C3orf70: variants seen among roughly 807,000 people sequenced by gnomAD.
C3orf70 encodes chromosome 3 open reading frame 70.
Under a neutral mutation model 20.7 loss-of-function variants are expected in C3orf70, and 15 were observed. That is an observed-to-expected ratio of 0.72 (90% CI 0.48 to 1.11). The LOEUF is 1.11. C3orf70 is among the 50% of genes most tolerant of loss of function. C3orf70 has a pLI of 0.00. For synonymous variants in C3orf70, 161 were observed against 125.7 expected, an observed-to-expected ratio of 1.28 and a Z score of -1.88; for missense variants, 332 against 317.6, an observed-to-expected ratio of 1.05 and a Z score of -0.34.
At chr3:185,090,523 TATA>T (rs1715544041) in intron 1 of C3orf70, among the ~76,000 whole-genome samples, 1 of 152,160 alleles carries the variant, frequency 6.6e-6, no homozygotes, top group African/African-American at 2.4e-5. Context: ...GCAAGCAAAA[TATA>T]ATTAGAAAGG....
chr3:185,151,754 T>C (rs1716993574), intron 1 of C3orf70, among the ~76,000 whole-genome samples: 2 of 152,212 alleles, frequency 1.3e-5, no homozygotes, highest in Non-Finnish European at 2.9e-5. Context: ...CTATTACAAA[T>C]ATATGTGGAA....
Position 185,082,973 on chromosome 3 carries a change from G to T in C3orf70, c.*34C>A, listed in dbSNP as rs375797500. The T allele has an allele frequency of 7.6e-6, 12 of 1,582,310 alleles. No individual in the cohort carries two copies. The African/African-American group carries it at 9.5e-5, about 12-fold the overall frequency. ...CCAGACAAAGGTACAAAAGCTCGGC[G>T]TGGGTCCGAGGCTGTGGCTTCCTGT... On this transcript the variant is annotated 3_prime_UTR_variant, in exon 2 of 2. Coordinates refer to ENST00000335012, the MANE Select transcript of C3orf70 (RefSeq NM_001025266.3).
intron 1 of C3orf70, among the ~76,000 whole-genome samples, chr3:185,138,864 C>T (rs1716683051): frequency 6.6e-6 from 1 of 152,166 alleles, no homozygotes; most frequent in Non-Finnish European, 1.5e-5. Flanking sequence ...CTCTGAGAGG[C>T]CAAGGTGGGA....
At chr3:185,108,304 TTCAGA>T (rs757933272) in intron 1 of C3orf70, among the ~76,000 whole-genome samples, 5 of 152,250 alleles carry the variant, frequency 3.3e-5, no homozygotes, top group Admixed American at 6.5e-5. Flanking sequence ...TGTCCTATAC[TTCAGA>T]TCAAAAAGCA....
intron 1 of C3orf70, among the ~76,000 whole-genome samples, chr3:185,142,152 C>G (rs1327872621): frequency 6.6e-6 from 1 of 152,074 alleles, no homozygotes; most frequent in Non-Finnish European, 1.5e-5. Context: ...TTGATTATAA[C>G]ACACTGAAAA....
At chr3:185,146,693 C>T (rs1325733730) in intron 1 of C3orf70, among the ~76,000 whole-genome samples, 1 of 152,146 alleles carries the variant, frequency 6.6e-6, no homozygotes, top group Admixed American at 6.5e-5. Flanking sequence ...TTCTTAAACA[C>T]GTTTTTTGTA....
intron 1 of C3orf70, among the ~76,000 whole-genome samples, chr3:185,117,091 C>T (rs1014143016): frequency 6.6e-6 from 1 of 152,140 alleles, no homozygotes; most frequent in Non-Finnish European, 1.5e-5. Context: ...TGACCCTCTA[C>T]ATTTTCAAGT....
At chr3:185,084,088 G>C (rs1715410685) in intron 1 of C3orf70, among the ~76,000 whole-genome samples, 1 of 152,034 alleles carries the variant, frequency 6.6e-6, no homozygotes, top group Admixed American at 6.5e-5. Context: ...GGGAGGCTGA[G>C]GCACGAGAAT....
intron 1 of C3orf70, among the ~76,000 whole-genome samples, chr3:185,107,250 T>C: frequency 6.6e-6 from 1 of 152,208 alleles, no homozygotes; most frequent in Non-Finnish European, 1.5e-5. Flanking sequence ...TAGTTATATC[T>C]TGCATTGTGA....
At chr3:185,118,667 TA>T (rs1016060171) in intron 1 of C3orf70, among the ~76,000 whole-genome samples, 4 of 152,074 alleles carry the variant, frequency 2.6e-5, no homozygotes, top group African/African-American at 4.8e-5. Flanking sequence ...GACAATAACC[TA>T]AAAAAAATTG....
At chr3:185,119,113 C>G (rs2108598413) in intron 1 of C3orf70, among the ~76,000 whole-genome samples, 1 of 152,256 alleles carries the variant, frequency 6.6e-6, no homozygotes, top group East Asian at 1.9e-4. Flanking sequence ...AAAACAATAT[C>G]AGGATGGAAG....
intron 1 of C3orf70, among the ~76,000 whole-genome samples, chr3:185,089,161 C>G (rs1467447428): frequency 1.3e-5 from 2 of 152,148 alleles, no homozygotes; most frequent in Non-Finnish European, 2.9e-5. Context: ...TTATAATTCC[C>G]AAATAAATTC....
rs1288894405 is a variant in C3orf70, at chr3:185,091,936, T to C, written c.197-8373A>G. On this transcript the variant is annotated intron_variant, in intron 1 of 1. Coordinates refer to ENST00000335012, the MANE Select transcript of C3orf70 (RefSeq NM_001025266.3). ...ACATATATATATATATATATATATA[T>C]ATATATATATATATATATATATATA... Among the ~76,000 whole-genome samples, 2 of 4,774 alleles carry C rather than the reference T, an allele frequency of 4.2e-4. 1 individual carries two copies. Among genetic ancestry groups the C allele is most frequent in the African/African-American group, 2.2e-3 (2 of 922 alleles). The allele number at this position is 4,774 out of a possible 152,430, so 3.1% of individuals were successfully genotyped here. A position where few individuals can be genotyped will look rare whatever the true frequency, so the allele number is the denominator to read the frequency against.
At chr3:185,140,619 G>C (rs913777101) in intron 1 of C3orf70, among the ~76,000 whole-genome samples, 1 of 151,880 alleles carries the variant, frequency 6.6e-6, no homozygotes, top group African/African-American at 2.4e-5. Context: ...TAGGTCTTGA[G>C]GGTAGAGCCC....
intron 1 of C3orf70, among the ~76,000 whole-genome samples, chr3:185,104,770 A>C (rs1715891286): frequency 6.6e-6 from 1 of 152,230 alleles, no homozygotes. Context: ...TGAAATGATG[A>C]GAACACATGG....
rs1715207785 is a variant in C3orf70, at chr3:185,077,069, T to C, written c.*5938A>G. Among the ~76,000 whole-genome samples the C allele has an allele frequency of 6.6e-6, 1 of 151,606 alleles. No individual in the cohort carries two copies. The highest frequency in any genetic ancestry group is 2.1e-4 in the South Asian group (1 of 4,826). ...ATGCTAGTCAAGAGGTGATTAAACA[T>C]GGAAGAAGCAATGGCCTCATCAGAG... On this transcript the variant is annotated 3_prime_UTR_variant, in exon 2 of 2. Transcript: ENST00000335012.
At chr3:185,130,151 G>A (rs1716497202) in intron 1 of C3orf70, among the ~76,000 whole-genome samples, 1 of 151,958 alleles carries the variant, frequency 6.6e-6, no homozygotes, top group Admixed American at 6.6e-5. Flanking sequence ...TAAAGTTTGG[G>A]CTAAAAATAA....
chr3:185,132,417 A>G (rs971440595), intron 1 of C3orf70, among the ~76,000 whole-genome samples: 26 of 46,108 alleles, frequency 5.6e-4, no homozygotes, highest in Non-Finnish European at 1.1e-3. Context: ...GAAGATCTGT[A>G]AAATACCAAA....
At chr3:185,125,987 A>G (rs1164772583) in intron 1 of C3orf70, among the ~76,000 whole-genome samples, 3 of 152,178 alleles carry the variant, frequency 2.0e-5, no homozygotes, top group South Asian at 2.1e-4. Flanking sequence ...ACACAATTAT[A>G]TATGTTTGTT....
Sources: gnomAD v4.1 joint callset for allele counts (sites outside exome capture counted in the v4.1 genomes callset) on GRCh38, gnomAD v4.1.1 for gene constraint, MANE v1.5 for transcripts, NCBI Gene and HGNC (gene_info 2026-07-23, HGNC 2026-07-21) for gene names.